TTC13: variants seen among roughly 807,000 people sequenced by gnomAD.
TTC13 encodes tetratricopeptide repeat protein 13.
In TTC13, 62 loss-of-function variants were observed where a neutral mutation model predicts 120.0. The observed-to-expected ratio is 0.52, with a 90% CI of 0.42 to 0.64. The LOEUF (loss-of-function observed/expected upper bound fraction) is 0.64, where lower values mean the gene tolerates loss of function less well. Among genes scored for constraint, TTC13 ranks in the 30% least tolerant of loss-of-function variants. TTC13 has a pLI of 0.00. For synonymous variants in TTC13, 384 were observed against 393.5 expected, an observed-to-expected ratio of 0.98 and a Z score of 0.28; for missense variants, 824 against 1,050.2, an observed-to-expected ratio of 0.78 and a Z score of 2.98.
At chr1:230,957,291 T>G (rs59853995) in intron 3 of TTC13, among the ~76,000 whole-genome samples, 2 of 152,098 alleles carry the variant, frequency 1.3e-5, no homozygotes, top group East Asian at 3.9e-4. Flanking sequence ...TTTTAAAAAA[T>G]TAGCCAGGCA....
chr1:230,909,121 C>G, intron 20 of TTC13, 101 bp from the exon 21 acceptor site: 1 of 1,007,264 alleles, frequency 9.9e-7, no homozygotes, highest in Non-Finnish European at 1.5e-6. Context: ...AAAATTTATT[C>G]AAAAATTCTT....
At chr1:230,955,375 A>G (rs546238738) in intron 3 of TTC13, among the ~76,000 whole-genome samples, 4 of 152,278 alleles carry the variant, frequency 2.6e-5, no homozygotes, top group African/African-American at 9.6e-5. Context: ...TAAAAGCAGT[A>G]AAAATAGGCC....
At chr1:230,941,417 T>A (rs1674524305) in intron 6 of TTC13, among the ~76,000 whole-genome samples, 1 of 152,172 alleles carries the variant, frequency 6.6e-6, no homozygotes. Flanking sequence ...TACCTCAGCC[T>A]CTTGAGTAGT....
intron 4 of TTC13, among the ~76,000 whole-genome samples, chr1:230,950,868 A>G (rs1675506929): frequency 6.6e-6 from 1 of 152,246 alleles, no homozygotes; most frequent in Admixed American, 6.5e-5. Context: ...CAGCACAGAA[A>G]TCAGGAAAAA....
chr1:230,947,813 T>C (rs1675146466), intron 4 of TTC13, among the ~76,000 whole-genome samples: 1 of 152,148 alleles, frequency 6.6e-6, no homozygotes, highest in Non-Finnish European at 1.5e-5. Flanking sequence ...AAGATGTAAA[T>C]AAGCAGTTAT....
intron 1 of TTC13, among the ~76,000 whole-genome samples, chr1:230,966,516 T>G (rs529563732): frequency 2.0e-5 from 3 of 152,334 alleles, no homozygotes; most frequent in Admixed American, 6.5e-5. Flanking sequence ...TAACCATTGA[T>G]TCAATACATA....
intron 8 of TTC13, chr1:230,936,750 T>G (rs1674093153): frequency 6.5e-6 from 1 of 153,860 alleles, no homozygotes. Context: ...GAGACCACCT[T>G]TAGGATATAA....
intron 3 of TTC13, 61 bp downstream of exon 3, chr1:230,958,163 A>G: frequency 6.4e-7 from 1 of 1,552,850 alleles, no homozygotes; most frequent in Non-Finnish European, 8.8e-7. Flanking sequence ...TCTTCCTGCT[A>G]TGCATCTAAC....
chr1:230,966,434 T>C (rs1474555153), intron 1 of TTC13, among the ~76,000 whole-genome samples: 2 of 129,342 alleles, frequency 1.5e-5, no homozygotes, highest in East Asian at 2.0e-4. Context: ...TTTATTTAAA[T>C]ATTTTATTAA....
chr1:230,916,549 A>G (rs543593031), intron 17 of TTC13, among the ~76,000 whole-genome samples: 2 of 152,320 alleles, frequency 1.3e-5, no homozygotes, highest in Non-Finnish European at 2.9e-5. Flanking sequence ...AAAAGCTCAC[A>G]GGTTCTCTTC....
chr1:230,931,836 T>C lies in TTC13; in HGVS notation c.1025A>G (p.Lys342Arg). ...NFEAATESFQ[K>R]ALLLNQNHVQ... ...ATGATTTTGGTTGAGCAACAGTGCC[T>C]TTTGAAAGCTCTCAGTGGCTGCTTC... Residue 342 changes from lysine (K) to arginine (R), a missense_variant, in exon 10 of 23, where the codon AAG becomes AGG. Physicochemically the swap from Lys to Arg is conservative, Grantham distance 26 (BLOSUM62 2). Transcript: ENST00000366661. The C allele has an allele frequency of 6.2e-7, 1 of 1,614,206 alleles. No homozygotes were observed. Among genetic ancestry groups the C allele is most frequent in the Non-Finnish European group, 8.5e-7 (1 of 1,180,034 alleles).
intron 17 of TTC13, among the ~76,000 whole-genome samples, chr1:230,920,119 T>C (rs1672440884): frequency 1.3e-5 from 2 of 152,172 alleles, no homozygotes; most frequent in South Asian, 4.1e-4. Context: ...TGCAGTGGTC[T>C]AATAAATACC....
At chr1:230,961,832 A>C (rs1676664390) in intron 1 of TTC13, among the ~76,000 whole-genome samples, 1 of 152,196 alleles carries the variant, frequency 6.6e-6, no homozygotes, top group African/African-American at 2.4e-5. Flanking sequence ...CCTTCAGTCG[A>C]ACAATCTATG....
intron 1 of TTC13, among the ~76,000 whole-genome samples, chr1:230,963,089 CA>C (rs1305145871): frequency 6.6e-6 from 1 of 151,276 alleles, no homozygotes; most frequent in Non-Finnish European, 1.5e-5. Context: ...TAGATTATTG[CA>C]AAAAAAGATA....
At position 230,906,689 on chromosome 1, in the gene TTC13, C is replaced by T; in HGVS notation, c.*216G>A. On this transcript the variant is annotated 3_prime_UTR_variant, in exon 23 of 23. Transcript: ENST00000366661. ...GGCTGCCGGCTAATACATACGCTTT[C>T]CCTCCAAGTCAAGTAGCTTTTTCCC... The T allele has an allele frequency of 3.5e-6, 1 of 288,794 alleles. No homozygotes were observed. Among genetic ancestry groups the T allele is most frequent in the Non-Finnish European group, 6.4e-6 (1 of 155,432 alleles). The allele number at this position is 288,794 out of a possible 1,614,324, so 17.9% of individuals were successfully genotyped here. A position where few individuals can be genotyped will look rare whatever the true frequency, so the allele number is the denominator to read the frequency against.
intron 1 of TTC13, among the ~76,000 whole-genome samples, chr1:230,963,892 C>T (rs1387064399): frequency 3.9e-5 from 6 of 151,916 alleles, no homozygotes; most frequent in Non-Finnish European, 2.9e-5. Context: ...TGATCTGAAC[C>T]CCAACGAAAG....
intron 17 of TTC13, 185 bp downstream of exon 17, chr1:230,920,325 C>T (rs1489550270): frequency 2.3e-6 from 1 of 431,632 alleles, no homozygotes; most frequent in Non-Finnish European, 4.1e-6. Flanking sequence ...TAACTGCTTC[C>T]TCACAAGTTG....
Position 230,925,542 on chromosome 1 carries a change from G to A in TTC13, c.1563C>T (p.Phe521=), listed in dbSNP as rs2102810663. The change falls in exon 13 of 23, where the codon TTC becomes TTT. Residue 521 remains phenylalanine, a synonymous_variant. Coordinates refer to ENST00000366661, the MANE Select transcript of TTC13 (RefSeq NM_024525.5). ...CTCTGTGTATTCTCTTGTTTGGCAG[G>A]AAACCAGGTGTTTCATATTGCATCA... ...GSLMQYETPG[F]LPNKRIHRAM... 1.2e-6 allele frequency: 2 copies of A among 1,614,032 alleles called. No homozygotes were observed. The highest frequency in any genetic ancestry group is 1.7e-6 in the Non-Finnish European group (2 of 1,179,968).
Position 230,908,764 on chromosome 1 carries a change from G to A in TTC13, c.2416C>T (p.Pro806Ser), listed in dbSNP as rs148575346. ...KLVDFEAMTAPGSEAFSKVAK... is the reference protein window; with the variant it reads ...KLVDFEAMTASGSEAFSKVAK... ...ACTTTGCTAAAGGCCTCTGAACCAG[G>A]GGCTGTCATAGCTTCAAAGTCGACT... is the stretch of plus-strand genomic sequence containing the variant. The change falls in exon 22 of 23, where the codon CCT becomes TCT. Residue 806 changes from proline to serine, a missense_variant. Around this residue, in one of 4 missense-constraint regions of TTC13, gnomAD observed 226 missense variants for 259.1 expected, o/e 0.87. Transcript: ENST00000366661. 22 of 1,613,452 alleles carry A rather than the reference G, an allele frequency of 1.4e-5. No individual in the cohort carries two copies. The African/African-American group carries it at 2.9e-4, about 22-fold the overall frequency.
Sources: gnomAD v4.1 joint callset for allele counts (sites outside exome capture counted in the v4.1 genomes callset) on GRCh38, gnomAD v4.1.1 for gene constraint, gnomAD v4.1.1 regional missense constraint, MANE v1.5 for transcripts, NCBI Gene and HGNC (gene_info 2026-07-23, HGNC 2026-07-21) for gene names.